Variants in PLCG2 observed in about 807,000 individuals in gnomAD.
The protein encoded by PLCG2 is 1-phosphatidylinositol 4,5-bisphosphate phosphodiesterase gamma-2.
In PLCG2, 69 loss-of-function variants were observed where a neutral mutation model predicts 175.6. The ratio of observed to expected loss-of-function variants is 0.39; its 90% CI spans 0.32 to 0.48. The LOEUF is 0.48. PLCG2 is among the 20% of genes least tolerant of loss of function. The pLI, the probability that PLCG2 is intolerant of heterozygous loss-of-function variation, is 0.91. For missense variants in PLCG2, 1,798 were observed against 1,650.9 expected (o/e 1.09, Z -1.54); for synonymous variants, 827 against 624.0 (o/e 1.33, Z -4.85).
At chr16:81,807,484 A>G (rs1307399447) in intron 2 of PLCG2, among the ~76,000 whole-genome samples, 2 of 152,204 alleles carry the variant, frequency 1.3e-5, no homozygotes, top group Non-Finnish European at 2.9e-5. Context: ...CATCGTCATC[A>G]TTGTCATCAC....
intron 13 of PLCG2, among the ~76,000 whole-genome samples, chr16:81,897,364 C>G (rs1032380431): frequency 2.6e-5 from 4 of 152,162 alleles, no homozygotes; most frequent in Non-Finnish European, 2.9e-5. Context: ...AAAGCACTTA[C>G]CATCCTATGC....
At chr16:81,926,089 T>TGG (rs35214525) in intron 22 of PLCG2, among the ~76,000 whole-genome samples, 3 of 151,508 alleles carry the variant, frequency 2.0e-5, no homozygotes, top group Admixed American at 6.6e-5. Flanking sequence ...CTTAAATTAG[T>TGG]GGGGGGAAGT....
upstream of PLCG2, among the ~76,000 whole-genome samples, chr16:81,778,069 A>AAAAAT (rs1407631066): frequency 0.013 from 672 of 53,472 alleles, 43 homozygotes; most frequent in African/African-American, 0.039. Context: ...AAAAACCAAA[A>AAAAAT]ACACACACAC....
In PLCG2 at chr16:81,754,964, A is replaced by G. The variant is rs115517976; in HGVS notation, c.-144-906A>G. Reference sequence around the variant, plus strand: ...GTGCAAAGTGAGAGAACATTGGCAGAGGAAGAACCAGCTGTGTGTCCTTAG... The same window carrying G: ...GTGCAAAGTGAGAGAACATTGGCAGGGGAAGAACCAGCTGTGTGTCCTTAG... On this transcript the variant is annotated intron_variant, in intron 1 of 5. Coordinates refer to the PLCG2 transcript ENST00000565054. 8.4e-3 allele frequency among the ~76,000 whole-genome samples: 1,274 copies of G among 152,312 alleles called. 17 individuals carry two copies. The highest frequency in any genetic ancestry group is 0.029 in the African/African-American group (1,189 of 41,566).
intron 1 of PLCG2, among the ~76,000 whole-genome samples, chr16:81,743,710 C>G (rs1909645084): frequency 1.3e-5 from 2 of 152,146 alleles, no homozygotes; most frequent in Non-Finnish European, 2.9e-5. Context: ...TGGGAGACAG[C>G]CTGCCTGGAG....
chr16:81,890,939 G>C (rs997066254), intron 10 of PLCG2, among the ~76,000 whole-genome samples: 17 of 152,192 alleles, frequency 1.1e-4, no homozygotes, highest in African/African-American at 4.1e-4. Context: ...GAGGCGGGTG[G>C]ATCGCTTGAG....
chr16:81,818,380 C>A (rs1206580560), intron 2 of PLCG2, among the ~76,000 whole-genome samples: 3 of 152,318 alleles, frequency 2.0e-5, no homozygotes, highest in Non-Finnish European at 2.9e-5. Flanking sequence ...CTTTCTCAGA[C>A]TGTCAGCTCT....
At chr16:81,846,925 C>G (rs1028606977) in intron 2 of PLCG2, among the ~76,000 whole-genome samples, 1 of 152,156 alleles carries the variant, frequency 6.6e-6, no homozygotes, top group Non-Finnish European at 1.5e-5. Flanking sequence ...GCAAACAATT[C>G]TCCATTGGAC....
At chr16:81,882,107 C>G (rs1908109872) in intron 8 of PLCG2, among the ~76,000 whole-genome samples, 1 of 152,220 alleles carries the variant, frequency 6.6e-6, no homozygotes, top group Admixed American at 6.5e-5. Context: ...ATCTCTTACA[C>G]TATTTGAAAT....
intron 2 of PLCG2, among the ~76,000 whole-genome samples, chr16:81,796,419 T>C (rs1911471944): frequency 6.6e-6 from 1 of 152,188 alleles, no homozygotes; most frequent in Admixed American, 6.5e-5. Flanking sequence ...ATCAGTATCC[T>C]TTGGCACGGC....
intron 1 of PLCG2, among the ~76,000 whole-genome samples, chr16:81,784,748 T>C (rs986582448): frequency 6.6e-6 from 1 of 152,206 alleles, no homozygotes; most frequent in Non-Finnish European, 1.5e-5. Context: ...TGGATACTGT[T>C]ACCTTCTTTT....
chr16:81,919,200 C>T (rs73596885), intron 19 of PLCG2, among the ~76,000 whole-genome samples: 1,583 of 152,248 alleles, frequency 0.01, 28 homozygotes, highest in African/African-American at 0.036. Flanking sequence ...TAGGAAGCTC[C>T]TAAAGTCAAG....
chr16:81,942,586 C>G (rs1416524437), intron 30 of PLCG2, among the ~76,000 whole-genome samples: 1 of 152,074 alleles, frequency 6.6e-6, no homozygotes, highest in Non-Finnish European at 1.5e-5. Flanking sequence ...GGAAGGAAAG[C>G]AGCAGCCTTT....
Position 81,936,200 on chromosome 16 carries a change from T to C in PLCG2, c.2874T>C (p.Phe958=), listed in dbSNP as rs369336417. The C allele has an allele frequency of 1.7e-5, 28 of 1,614,114 alleles. No homozygotes were observed. The highest frequency in any genetic ancestry group is 2.4e-5 in the Non-Finnish European group (28 of 1,180,018). The change falls in exon 27 of 33, where the codon TTT becomes TTC. Residue 958 remains phenylalanine (F), a synonymous_variant. Coordinates refer to ENST00000564138, the MANE Select transcript of PLCG2 (RefSeq NM_002661.5). ...CTGACTTCCGAGAAATCCGCTCCTT[T>C]GTGGAGACGAAGGCTGACAGCATCA... The part of the protein sequence containing the change: ...ENPDFREIRS[F]VETKADSIIR...
chr16:81,895,772 A>T (rs771855123), intron 12 of PLCG2, 35 bp from the exon 13 acceptor site: 4 of 1,613,252 alleles, frequency 2.5e-6, no homozygotes, highest in Non-Finnish European at 3.4e-6. Context: ...CAGTGAACAC[A>T]CGTGGTATTG....
intron 2 of PLCG2, among the ~76,000 whole-genome samples, chr16:81,803,969 C>T (rs896085047): frequency 1.3e-5 from 2 of 152,206 alleles, no homozygotes; most frequent in Non-Finnish European, 2.9e-5. Context: ...GTATGAGCCA[C>T]CGTGCCTGGA....
chr16:81,867,005 A>G (rs1039989287), intron 5 of PLCG2, among the ~76,000 whole-genome samples: 2 of 152,232 alleles, frequency 1.3e-5, no homozygotes, highest in African/African-American at 4.8e-5. Context: ...TCTGCCCTCA[A>G]GGTCTGTCTG....
chr16:81,866,373 TG>T (rs59930088), intron 5 of PLCG2, among the ~76,000 whole-genome samples: 6 of 127,430 alleles, frequency 4.7e-5, no homozygotes, highest in African/African-American at 1.5e-4. Flanking sequence ...TGAGCTCCAC[TG>T]GGGCACCAGC....
rs758101715 is a variant in PLCG2 at position 81,895,803 on chromosome 16, G to A, written c.1073-4G>A. On this transcript the variant is annotated splice_polypyrimidine_tract_variant and splice_region_variant and intron_variant, in intron 12 of 32. Coordinates refer to ENST00000564138, the MANE Select transcript of PLCG2 (RefSeq NM_002661.5). ...TATTGAGGCTGCCGCGTTTCTCCCT[G>A]TAGTGGACTGCTGGGACGGGCCCGA... The A allele has an allele frequency of 1.2e-6, 2 of 1,614,140 alleles. No homozygotes were observed. Among genetic ancestry groups the A allele is most frequent in the East Asian group, 2.2e-5 (1 of 44,866 alleles).
Sources: gnomAD v4.1 joint callset for allele counts (sites outside exome capture counted in the v4.1 genomes callset) on GRCh38, gnomAD v4.1.1 for gene constraint, MANE v1.5 for transcripts, NCBI Gene and HGNC (gene_info 2026-07-23, HGNC 2026-07-21) for gene names.